The following RP1L1 variants were observed in gnomAD, a reference collection of about 807,000 sequenced individuals.
The protein encoded by RP1L1 is retinitis pigmentosa 1-like 1 protein.
Under a neutral mutation model 15.7 loss-of-function variants are expected in RP1L1, and 27 were observed. The ratio of observed to expected loss-of-function variants is 1.72; its 90% CI spans 1.27 to 2.38. The LOEUF is 2.38. Ranked by LOEUF, RP1L1 falls within the 30% of genes most tolerant of loss-of-function variation. RP1L1 has a pLI of 0.00. For synonymous variants in RP1L1, 1,813 were observed against 1,276.7 expected (o/e 1.42, Z -8.96); for missense variants, 4,798 against 3,075.9 (o/e 1.56, Z -13.24).
intron 1 of RP1L1, among the ~76,000 whole-genome samples, chr8:10,651,808 T>C (rs1173051916): frequency 1.3e-5 from 2 of 149,798 alleles, no homozygotes; most frequent in African/African-American, 2.5e-5. Context: ...TCCATGACTG[T>C]AAAATCCCAA....
chr8:10,623,056 A>G lies in RP1L1; in HGVS notation c.146T>C (p.Val49Ala). Residue 49 changes from valine to alanine, a missense_variant, in exon 2 of 4, where the codon GTC (valine) becomes GCC (alanine). By Grantham distance (64) the Val-to-Ala change is moderately conservative (BLOSUM62 0). Coordinates refer to ENST00000382483, the MANE Select transcript of RP1L1 (RefSeq NM_178857.6). ...GGCGCGCTGGTGAACGGCCAGGCGG[A>G]CCCCAGCAAACCGTGGATCCCCTCG... is the stretch of plus-strand genomic sequence containing the variant. ...LKRGDPRFAG[V>A]RLAVHQRAFK... The G allele has an allele frequency of 6.2e-7, 1 of 1,614,052 alleles. No homozygotes were observed. The highest frequency in any genetic ancestry group is 8.5e-7 in the Non-Finnish European group (1 of 1,180,018).
At position 10,609,678 on chromosome 8, in the gene RP1L1, C is replaced by G; in HGVS notation, c.4420G>C (p.Glu1474Gln). The G allele has an allele frequency of 6.2e-7, 1 of 1,612,528 alleles. No homozygotes were observed. The highest frequency in any genetic ancestry group is 8.5e-7 in the Non-Finnish European group (1 of 1,179,994). The change falls in exon 4 of 4, where the codon GAG (glutamate) becomes CAG (glutamine). Residue 1474 changes from glutamate (E) to glutamine (Q), a missense_variant. Transcript: ENST00000382483. ...CCGGGCGGCTTTTCCAAACCAGGCT[C>G]AAGCTGGGAGCCACTCTGCCTCTCG... is the stretch of plus-strand genomic sequence containing the variant. Reference protein sequence around the residue: ...ASERQSGSQLEPGLEKPPGAT... With the variant: ...ASERQSGSQLQPGLEKPPGAT...
intron 2 of RP1L1, 38 bp from the exon 3 acceptor site, chr8:10,616,625 G>C: frequency 6.3e-7 from 1 of 1,592,346 alleles, no homozygotes. Flanking sequence ...GGCCTGGGCT[G>C]CAGAAACCCC....
intron 2 of RP1L1, among the ~76,000 whole-genome samples, chr8:10,618,602 G>A (rs1168200530): frequency 1.3e-5 from 2 of 151,928 alleles, no homozygotes; most frequent in Admixed American, 6.6e-5. Flanking sequence ...TGAGATGGGA[G>A]GATCACTTGA....
intron 1 of RP1L1, among the ~76,000 whole-genome samples, chr8:10,653,447 G>A (rs1051305371): frequency 2.1e-5 from 3 of 144,398 alleles, no homozygotes; most frequent in East Asian, 4.0e-4. Context: ...AAAACACCAG[G>A]TGTCTCCCTC....
At chr8:10,629,180 C>T (rs1350782302) in intron 1 of RP1L1, among the ~76,000 whole-genome samples, 1 of 152,212 alleles carries the variant, frequency 6.6e-6, no homozygotes, top group Non-Finnish European at 1.5e-5. Context: ...AATCATGGAG[C>T]AAGTGCATGG....
At chr8:10,651,747 C>A (rs1275682677) in intron 1 of RP1L1, among the ~76,000 whole-genome samples, 1 of 141,216 alleles carries the variant, frequency 7.1e-6, no homozygotes, top group Non-Finnish European at 1.5e-5. Flanking sequence ...CAGAGCGAGA[C>A]TCCGTCTTAA....
In RP1L1 at chr8:10,622,968, C is replaced by T. The variant is rs764024269; in HGVS notation, c.234G>A (p.Val78=). ...LSQRVPLSFG[V]RSVTTPRGLH... ...GGCCCCGGGGTGTGGTGACAGAGCG[C>T]ACCCCAAAGGAGAGAGGCACGCGCT... Residue 78 remains valine (V), a synonymous_variant, in exon 2 of 4, where the codon GTG becomes GTA. Coordinates refer to ENST00000382483, the MANE Select transcript of RP1L1 (RefSeq NM_178857.6). 5.1e-5 allele frequency: 83 copies of T among 1,614,096 alleles called. No homozygotes were observed. The highest frequency in any genetic ancestry group is 1.7e-4 in the Middle Eastern group (1 of 6,054).
chr8:10,645,394 A>G (rs906450604), intron 1 of RP1L1, among the ~76,000 whole-genome samples: 5 of 152,220 alleles, frequency 3.3e-5, no homozygotes, highest in Non-Finnish European at 7.3e-5. Context: ...TGAGGGACAC[A>G]TAAGGAAAAG....
At chr8:10,640,348 T>A (rs981897628) in intron 1 of RP1L1, among the ~76,000 whole-genome samples, 1 of 152,200 alleles carries the variant, frequency 6.6e-6, no homozygotes. Flanking sequence ...ATGCTGAAAA[T>A]CATTCTAATT....
intron 2 of RP1L1, among the ~76,000 whole-genome samples, chr8:10,620,914 C>T (rs1416832276): frequency 6.6e-6 from 1 of 152,168 alleles, no homozygotes; most frequent in Non-Finnish European, 1.5e-5. Flanking sequence ...ATGGTTCGGT[C>T]ACTCTGCTGA....
rs757116046 is a variant in RP1L1, at chr8:10,611,335, C to G, written c.2763G>C (p.Gly921=). 6.2e-7 allele frequency: 1 copy of G among 1,612,224 alleles called. No individual in the cohort carries two copies. ...TCCTCAAGGTCTTCTCCTCGGACAG[C>G]CCCCGAGACCCCGCACCCTGGCTGG... ...SSASQGAGSR[G]LSEEKTLRSG... The change falls in exon 4 of 4, where the codon GGG becomes GGC. Residue 921 remains glycine (G), a synonymous_variant. Transcript: ENST00000382483.
chr8:10,625,720 G>A (rs1194214379), intron 1 of RP1L1, among the ~76,000 whole-genome samples: 1 of 152,194 alleles, frequency 6.6e-6, no homozygotes, highest in African/African-American at 2.4e-5. Flanking sequence ...GGTGCCCCCG[G>A]CTGTGGACAG....
chr8:10,624,760 C>T (rs1190642020), intron 1 of RP1L1, among the ~76,000 whole-genome samples: 7 of 152,142 alleles, frequency 4.6e-5, no homozygotes, highest in South Asian at 2.1e-4. Context: ...ATCCCTGCGT[C>T]GGGGTGTTCA....
intron 2 of RP1L1, among the ~76,000 whole-genome samples, chr8:10,618,036 G>A (rs764725846): frequency 5.9e-5 from 9 of 152,198 alleles, no homozygotes; most frequent in South Asian, 2.1e-4. Flanking sequence ...CTTGCATTAC[G>A]TTGTAATTAG....
chr8:10,633,917 C>A (rs572031107), intron 1 of RP1L1, among the ~76,000 whole-genome samples: 1 of 152,274 alleles, frequency 6.6e-6, no homozygotes, highest in East Asian at 1.9e-4. Flanking sequence ...GATTGACCGA[C>A]GTGAGGGGAA....
At chr8:10,642,793 C>T (rs1013482881) in intron 1 of RP1L1, among the ~76,000 whole-genome samples, 3 of 152,082 alleles carry the variant, frequency 2.0e-5, no homozygotes, top group African/African-American at 7.2e-5. Flanking sequence ...ATCAAAAGAG[C>T]AGAGAATGTG....
At chr8:10,633,334 G>C (rs1798280675) in intron 1 of RP1L1, among the ~76,000 whole-genome samples, 2 of 152,164 alleles carry the variant, frequency 1.3e-5, no homozygotes, top group South Asian at 2.1e-4. Context: ...CGAAATCAGA[G>C]GGCAAGAAGC....
chr8:10,641,936 T>C (rs1005097051), intron 1 of RP1L1, among the ~76,000 whole-genome samples: 4 of 152,178 alleles, frequency 2.6e-5, no homozygotes, highest in Admixed American at 2.6e-4. Context: ...TGAGGAGGAA[T>C]GAAGCTGGGA....
Sources: allele counts gnomAD v4.1 joint callset (sites outside exome capture counted in the v4.1 genomes callset), GRCh38; gene constraint gnomAD v4.1.1; transcripts MANE v1.5; gene names NCBI Gene and HGNC (gene_info 2026-07-23, HGNC 2026-07-21).